FHL1: variants seen among roughly 807,000 people sequenced by gnomAD.
FHL1 encodes the protein four and a half LIM domains 1.
FHL1 carries 1 observed loss-of-function variant against 20.3 expected under a neutral mutation model. The ratio of observed to expected loss-of-function variants is 0.05; its 90% CI spans 0.02 to 0.23. FHL1 has a LOEUF of 0.23. Ranked by LOEUF, FHL1 falls within the 10% of genes least tolerant of loss-of-function variation. The probability of loss-of-function intolerance (pLI) is 1.00; values close to 1 mark genes in which losing one functional copy is unlikely to be tolerated. For missense variants in FHL1, 177 were observed against 234.0 expected (o/e 0.76, Z 1.59); for synonymous variants, 82 against 88.9 (o/e 0.92, Z 0.44).
In FHL1 at chrX:136,210,785, T is replaced by C. The variant is rs1215098004; in HGVS notation, c.*760T>C. The C allele has an allele frequency of 2.6e-6, 1 of 387,367 alleles. No homozygotes were observed. The highest frequency in any genetic ancestry group is 2.6e-5 in the South Asian group (1 of 38,869). The allele number at this position is 387,367 out of a possible 1,213,427, so 31.9% of individuals were successfully genotyped here. On this transcript the variant is annotated 3_prime_UTR_variant, in exon 6 of 6. Transcript: ENST00000370683. Reference sequence around the variant, plus strand: ...AATACTTCTGGAAGCTTAACAAAACTAACCCTGCTGTCCTTTTTATTGTTT... The same window carrying C: ...AATACTTCTGGAAGCTTAACAAAACCAACCCTGCTGTCCTTTTTATTGTTT...
chrX:136,175,006 A>G (rs1480368636), intron 2 of FHL1, among the ~76,000 whole-genome samples: 1 of 112,472 alleles, frequency 8.9e-6, no homozygotes, highest in Non-Finnish European at 1.9e-5. Context: ...GAAAAGTATA[A>G]TTAAAATGAA....
rs1171148298 is a variant in FHL1 at position 136,207,209 on chromosome X, C to T, written c.379+19C>T. The T allele has an allele frequency of 1.7e-6, 2 of 1,187,512 alleles. No individual in the cohort carries two copies. Among genetic ancestry groups the T allele is most frequent in the African/African-American group, 1.8e-5 (1 of 56,892 alleles). ...GTGGCAGGTACTGCCTCCTTCCCAC[C>T]CCGGGTTCCCAGGGAGGAGGCCCTG... On this transcript the variant is annotated intron_variant, in intron 3 of 5. Coordinates refer to ENST00000370683, the MANE Select transcript of FHL1 (RefSeq NM_001159699.2).
Position 136,210,356 on chromosome X carries a change from A to G in FHL1, c.*331A>G. 1 of 407,458 alleles carries G rather than the reference A, an allele frequency of 2.5e-6. No individual in the cohort carries two copies. The allele number at this position is 407,458 out of a possible 1,213,427, so 33.6% of individuals were successfully genotyped here. A position where few individuals can be genotyped will look rare whatever the true frequency, so the allele number is the denominator to read the frequency against. On this transcript the variant is annotated 3_prime_UTR_variant, in exon 6 of 6. Coordinates refer to ENST00000370683, the MANE Select transcript of FHL1 (RefSeq NM_001159699.2). ...ACTTAGTGATGTAAGCAAGAAGCAT[A>G]GGAGATAAAACCCCCACTGAGATGC...
intron 1 of FHL1, among the ~76,000 whole-genome samples, chrX:136,159,083 A>T (rs2072496169): frequency 9.3e-6 from 1 of 108,000 alleles, no homozygotes; most frequent in African/African-American, 3.4e-5. Context: ...GATGCTAAGG[A>T]GGTATACAGA....
chrX:136,156,957 T>C (rs1298320761), intron 1 of FHL1, among the ~76,000 whole-genome samples: 7 of 102,695 alleles, frequency 6.8e-5, no homozygotes, highest in Non-Finnish European at 1.4e-4. Context: ...GTAACAGGTT[T>C]CCCCCCAGGT....
In FHL1 at chrX:136,211,173, A is replaced by G. The variant is rs2074003489; in HGVS notation, c.*1148A>G. 5.4e-6 allele frequency: 2 copies of G among 368,627 alleles called. No individual in the cohort carries two copies. Among genetic ancestry groups the G allele is most frequent in the Middle Eastern group, 8.1e-4 (1 of 1,242 alleles). 30.4% of individuals were successfully genotyped at this position (368,627 alleles called of 1,213,427 possible). On this transcript the variant is annotated 3_prime_UTR_variant, in exon 6 of 6. Transcript: ENST00000370683. ...CAGGATCACCTACTTACTGTATTCTACATTATTATATGACATAGTATAATG... is the reference window on the plus strand; with the variant it reads ...CAGGATCACCTACTTACTGTATTCTGCATTATTATATGACATAGTATAATG...
At position 136,210,270 on chromosome X, in the gene FHL1, TTAGG is replaced by T. The variant is rs2073976765; in HGVS notation, c.*249_*252del. 3 of 486,872 alleles carry T rather than the reference TTAGG, an allele frequency of 6.2e-6. No individual in the cohort carries two copies. Among genetic ancestry groups the T allele is most frequent in the Non-Finnish European group, 1.1e-5 (3 of 272,647 alleles). 40.1% of individuals were successfully genotyped at this position (486,872 alleles called of 1,213,427 possible). A position where few individuals can be genotyped will look rare whatever the true frequency, so the allele number is the denominator to read the frequency against. On this transcript the variant is annotated 3_prime_UTR_variant, in exon 6 of 6. Transcript: ENST00000370683. Reference sequence around the variant, plus strand: ...CCGGCTGCAATTTAAAAATGAAAACTTAGGTAGATTGACTCTTCTGCATGTTTCT... The same window carrying T: ...CCGGCTGCAATTTAAAAATGAAAACTTAGATTGACTCTTCTGCATGTTTCT...
chrX:136,177,011 A>ACACACACACAC (rs1223093020), intron 2 of FHL1, among the ~76,000 whole-genome samples: 1 of 18,211 alleles, frequency 5.5e-5, no homozygotes, highest in East Asian at 2.9e-3. Flanking sequence ...GTCATGTAGA[A>ACACACACACAC]ATACACACAC....
At chrX:136,199,221 T>G (rs2073638811) in intron 1 of FHL1, among the ~76,000 whole-genome samples, 1 of 111,776 alleles carries the variant, frequency 8.9e-6, no homozygotes, top group African/African-American at 3.3e-5. Flanking sequence ...GAATCTGGAC[T>G]GCAGGAAGTT....
intron 1 of FHL1, among the ~76,000 whole-genome samples, chrX:136,154,125 C>T (rs759525662): frequency 8.9e-6 from 1 of 112,226 alleles, no homozygotes; most frequent in East Asian, 2.8e-4. Flanking sequence ...AGAGTTCCAG[C>T]TTGAATTTTT....
intron 1 of FHL1, among the ~76,000 whole-genome samples, chrX:136,153,284 T>TGG (rs11399857): frequency 0.014 from 1,225 of 87,571 alleles, 11 homozygotes; most frequent in African/African-American, 0.017. Context: ...TTGCGGGAGG[T>TGG]GGGGGGGGGC....
At chrX:136,152,920 C>G (rs1255723557) in intron 1 of FHL1, among the ~76,000 whole-genome samples, 1 of 108,632 alleles carries the variant, frequency 9.2e-6, no homozygotes, top group Non-Finnish European at 1.9e-5. Flanking sequence ...TCTATCTCAC[C>G]TGAATTTTCC....
In FHL1 at chrX:136,208,442, C is replaced by T. The variant is rs372709825; in HGVS notation, c.550-13C>T. On this transcript the variant is annotated splice_polypyrimidine_tract_variant and intron_variant, in intron 4 of 5. Coordinates refer to ENST00000370683, the MANE Select transcript of FHL1 (RefSeq NM_001159699.2). Reference sequence around the variant, plus strand: ...TGTTGAATCTGAATCCGGTGCTACACTCCCTGGTCTAGGCCATCACATCTG... The same window carrying T: ...TGTTGAATCTGAATCCGGTGCTACATTCCCTGGTCTAGGCCATCACATCTG... The T allele has an allele frequency of 2.5e-6, 3 of 1,209,565 alleles. No homozygotes were observed. Among genetic ancestry groups the T allele is most frequent in the South Asian group, 3.5e-5 (2 of 56,801 alleles).
At chrX:136,169,968 C>T (rs1372176096) in exon 2 of FHL1, 1 of 330,943 alleles carries the variant, frequency 3.0e-6, no homozygotes, top group Non-Finnish European at 5.9e-6. Flanking sequence ...ATCTGCCACA[C>T]ATCCAGCGTG....
upstream of FHL1, among the ~76,000 whole-genome samples, chrX:136,194,114 A>G: frequency 9.0e-6 from 1 of 111,394 alleles, no homozygotes; most frequent in South Asian, 3.8e-4. Context: ...ACATCCATCA[A>G]GTCTTTTCTC....
intron 1 of FHL1, among the ~76,000 whole-genome samples, chrX:136,202,152 G>A (rs2073727194): frequency 9.0e-6 from 1 of 111,099 alleles, no homozygotes; most frequent in Non-Finnish European, 1.9e-5. Context: ...ATCACTTGAG[G>A]TCAGGAGTTC....
intron 1 of FHL1, among the ~76,000 whole-genome samples, chrX:136,202,391 T>C (rs192432152): frequency 2.0e-4 from 22 of 107,815 alleles, no homozygotes; most frequent in Admixed American, 2.0e-3. Context: ...TAAAATGCTA[T>C]CTTCATTTTT....
At chrX:136,164,703 A>G (rs1183974336), upstream of FHL1, among the ~76,000 whole-genome samples, 1 of 111,530 alleles carries the variant, frequency 9.0e-6, no homozygotes, top group Non-Finnish European at 1.9e-5. Context: ...GTCATGCCAC[A>G]TCTGGAAGGA....
Position 136,211,088 on chromosome X carries a change from AT to A in FHL1, c.*1065del. On this transcript the variant is annotated 3_prime_UTR_variant, in exon 6 of 6. Transcript: ENST00000370683. ...GGACTGCAAAGTCCCTTCTGTTGTG[AT>A]TCCTAGGACTTTTCCTCAAGAGGAA... is the stretch of plus-strand genomic sequence containing the variant. 1 of 376,135 alleles carries A rather than the reference AT, an allele frequency of 2.7e-6. No homozygotes were observed. The highest frequency in any genetic ancestry group is 5.8e-5 in the East Asian group (1 of 17,362). The allele number at this position is 376,135 out of a possible 1,213,427, so 31.0% of individuals were successfully genotyped here.
Sources: allele counts gnomAD v4.1 joint callset (sites outside exome capture counted in the v4.1 genomes callset), GRCh38; gene constraint gnomAD v4.1.1; transcripts MANE v1.5; gene names NCBI Gene and HGNC (gene_info 2026-07-23, HGNC 2026-07-21).